Variants in FHIP2B observed in about 807,000 individuals in gnomAD.
The protein encoded by FHIP2B is FHF complex subunit HOOK interacting protein 2B.
In FHIP2B, 72 loss-of-function variants were observed where a neutral mutation model predicts 84.0. The ratio of observed to expected loss-of-function variants is 0.86; its 90% CI spans 0.71 to 1.04. The LOEUF is 1.04. FHIP2B is among the 50% of genes least tolerant of loss of function. The pLI is 0.00. For missense variants in FHIP2B, 972 were observed against 968.9 expected, an observed-to-expected ratio of 1.00 and a Z score of -0.04; for synonymous variants, 497 against 418.7, an observed-to-expected ratio of 1.19 and a Z score of -2.28.
In FHIP2B at chr8:22,104,624, T is replaced by C. The variant is rs181473717; in HGVS notation, c.*1693T>C. On this transcript the variant is annotated 3_prime_UTR_variant, in exon 17 of 17. Coordinates refer to ENST00000289921, the MANE Select transcript of FHIP2B (RefSeq NM_022749.7). Reference sequence around the variant, plus strand: ...CTGGGCTGACCTGCAGCGGAGAGTCTGCCCACCCCGGAGACACCATGAGGG... The same window carrying C: ...CTGGGCTGACCTGCAGCGGAGAGTCCGCCCACCCCGGAGACACCATGAGGG... 3 of 152,310 alleles carry C rather than the reference T, an allele frequency of 2.0e-5. No individual in the cohort carries two copies. The highest frequency in any genetic ancestry group is 4.4e-5 in the Non-Finnish European group (3 of 68,034). The allele number at this position is 152,310 out of a possible 1,614,324, so 9.4% of individuals were successfully genotyped here. A position where few individuals can be genotyped will look rare whatever the true frequency, so the allele number is the denominator to read the frequency against.
chr8:22,101,092 T>G, intron 12 of FHIP2B, 120 bp downstream of exon 12: 1 of 1,316,126 alleles, frequency 7.6e-7, no homozygotes, highest in Non-Finnish European at 1.0e-6. Flanking sequence ...CTCGGCTCAC[T>G]GCAACCTCCA....
intron 1 of FHIP2B, among the ~76,000 whole-genome samples, chr8:22,091,801 T>C (rs1212588100): frequency 6.6e-6 from 1 of 152,170 alleles, no homozygotes; most frequent in East Asian, 1.9e-4. Flanking sequence ...AATTATGAGA[T>C]AATTGTAGGG....
chr8:22,102,312 G>A lies in FHIP2B; in HGVS notation c.1989G>A (p.Val663=). ...PGCRSLFSVL[V]RVIGDLMQRI... ...GCAGGAGCCTATTCTCCGTGTTGGT[G>A]AGGGTGAGGACGCCTCGGCCCAAGG... is the stretch of plus-strand genomic sequence containing the variant. The change falls in exon 15 of 17, where the codon GTG becomes GTA. Residue 663 remains valine (V), a synonymous_variant. Transcript: ENST00000289921. 6.2e-7 allele frequency: 1 copy of A among 1,612,430 alleles called. No individual in the cohort carries two copies. The highest frequency in any genetic ancestry group is 1.1e-5 in the South Asian group (1 of 91,076).
chr8:22,095,042 G>A, intron 2 of FHIP2B: 1 of 282,704 alleles, frequency 3.5e-6, no homozygotes, highest in Non-Finnish European at 5.4e-6. Context: ...TTGGCACCTG[G>A]TCCCATCAGG....
Position 22,098,470 on chromosome 8 carries a change from G to T in FHIP2B, c.816G>T (p.Val272=), listed in dbSNP as rs1210405266. 13 of 1,611,650 alleles carry T rather than the reference G, an allele frequency of 8.1e-6. No homozygotes were observed. The highest frequency in any genetic ancestry group is 1.1e-5 in the Non-Finnish European group (13 of 1,178,658). The change falls in exon 7 of 17, where the codon GTG becomes GTT. Residue 272 remains valine (V), a synonymous_variant. Transcript: ENST00000289921. ...CCCAGGAGAACCTGCTGCTCCTGGT[G>T]AGCATGGCCTCCCCAGCAGCTGCCA... The part of the protein sequence containing the change: ...LKAQENLLLL[V]SMASPAAATY...
In FHIP2B at chr8:22,100,763, G is replaced by A. The variant is rs150840943; in HGVS notation, c.1487+24G>A. 8.8e-5 allele frequency: 141 copies of A among 1,606,942 alleles called. 1 individual carries two copies. The South Asian group carries it at 1.4e-3, about 16-fold the overall frequency. On this transcript the variant is annotated intron_variant, in intron 11 of 16. Coordinates refer to ENST00000289921, the MANE Select transcript of FHIP2B (RefSeq NM_022749.7). The stretch of plus-strand genomic sequence containing the variant: ...CTGTAAGTGAAACCGGCGCCCTTTG[G>A]ACTCAGCCCAGCCCTTAGCACTCGC...
At chr8:22,098,377 TG>T in intron 6 of FHIP2B, 45 bp from the exon 7 acceptor site, 5 of 1,518,470 alleles carry the variant, frequency 3.3e-6, no homozygotes, top group Non-Finnish European at 4.5e-6. Flanking sequence ...GGGGGTGATT[TG>T]GGGGCTCACA....
At chr8:22,089,614 T>C (rs1469247088) in intron 1 of FHIP2B, 22 of 390,328 alleles carry the variant, frequency 5.6e-5, no homozygotes, top group Non-Finnish European at 9.6e-5. Context: ...ACGCTCCCTG[T>C]CACCGCTTGG....
rs1253165304 is a variant in FHIP2B, at chr8:22,097,602, C to G, written c.384C>G (p.Ser128Arg). 3 of 1,608,012 alleles carry G rather than the reference C, an allele frequency of 1.9e-6. No individual in the cohort carries two copies. The highest frequency in any genetic ancestry group is 2.5e-6 in the Non-Finnish European group (3 of 1,177,562). Residue 128 changes from serine (S) to arginine (R), a missense_variant, in exon 4 of 17, where the codon AGC becomes AGG. Ser to Arg is a moderately radical substitution (Grantham distance 110). Transcript: ENST00000289921. ...QVQHPLLHYL[S>R]VHRPVQKLLR... ...AGCACCCCCTGCTGCATTACCTCAG[C>G]GTCCACAGGCCTGTGCAGGTGAGGG...
chr8:22,097,221 T>C (rs1289115051), intron 3 of FHIP2B, among the ~76,000 whole-genome samples: 1 of 151,884 alleles, frequency 6.6e-6, no homozygotes, highest in African/African-American at 2.4e-5. Flanking sequence ...GAACGGGCCC[T>C]CTGAGCCGGA....
rs748220733 is a variant in FHIP2B, at chr8:22,100,943, C to T, written c.1587C>T (p.Gly529=). Reference sequence around the variant, plus strand: ...TAGCTCCTGCTACCAGTTACGATGGCAAAACAGCAGTGACCGAGATCGTCA... The same window carrying T: ...TAGCTCCTGCTACCAGTTACGATGGTAAAACAGCAGTGACCGAGATCGTCA... ...PRLAPATSYD[G]KTAVTEIVNS... is the part of the protein sequence containing the mutation. Residue 529 remains glycine (G), a synonymous_variant, in exon 12 of 17, where the codon GGC becomes GGT. Transcript: ENST00000289921. 5.6e-6 allele frequency: 9 copies of T among 1,613,780 alleles called. No homozygotes were observed. The African/African-American group carries it at 1.2e-4, about 22-fold the overall frequency.
intron 1 of FHIP2B, among the ~76,000 whole-genome samples, chr8:22,091,240 CTTTTTTTTTTTTTTTT>C (rs71204535): frequency 5.9e-5 from 7 of 117,680 alleles, no homozygotes; most frequent in East Asian, 2.5e-4. Flanking sequence ...ATCATTACAG[CTTTTTTTTTTTTTTTT>C]TTTTTTTTTT....
intron 1 of FHIP2B, among the ~76,000 whole-genome samples, chr8:22,092,094 G>C (rs1825521302): frequency 6.6e-6 from 1 of 152,200 alleles, no homozygotes; most frequent in African/African-American, 2.4e-5. Flanking sequence ...TGCTACTTTT[G>C]AGAAGGGTTG....
Position 22,099,109 on chromosome 8 carries a change from C to T in FHIP2B, c.1074+53C>T. 3.3e-6 allele frequency: 5 copies of T among 1,517,914 alleles called. No homozygotes were observed. The South Asian group carries it at 4.8e-5, about 14-fold the overall frequency. 94.0% of individuals were successfully genotyped at this position (1,517,914 alleles called of 1,614,324 possible). A position where few individuals can be genotyped will look rare whatever the true frequency, so the allele number is the denominator to read the frequency against. On this transcript the variant is annotated intron_variant, in intron 8 of 16. Coordinates refer to ENST00000289921, the MANE Select transcript of FHIP2B (RefSeq NM_022749.7). ...TCTCATGCTGTTCCCTGTACCATCT[C>T]CATCTCGAGGACCAAGTGGAGCAGG...
chr8:22,097,887 G>A (rs1362527719), intron 5 of FHIP2B, 48 bp downstream of exon 5: 1 of 1,598,070 alleles, frequency 6.3e-7, no homozygotes, highest in Non-Finnish European at 8.6e-7. Context: ...AGAACCCCAG[G>A]GCAAGCCCCC....
intron 1 of FHIP2B, among the ~76,000 whole-genome samples, chr8:22,093,068 T>C (rs975493425): frequency 5.3e-5 from 8 of 152,128 alleles, no homozygotes; most frequent in African/African-American, 1.7e-4. Context: ...AGTTCTGTGG[T>C]GCAGTAAAGT....
At chr8:22,099,958 T>G in intron 10 of FHIP2B, 65 bp downstream of exon 10, 1 of 1,466,558 alleles carries the variant, frequency 6.8e-7, no homozygotes, top group Non-Finnish European at 9.1e-7. Context: ...TCCTGAACAC[T>G]CTTCCCATTT....
Position 22,101,544 on chromosome 8 carries a change from G to A in FHIP2B, c.1707+14G>A. 1 of 1,606,066 alleles carries A rather than the reference G, an allele frequency of 6.2e-7. No homozygotes were observed. Among genetic ancestry groups the A allele is most frequent in the South Asian group, 1.1e-5 (1 of 90,210 alleles). ...GCTTATGGCCTGGTGAGTGGCTCCT[G>A]CTACCAGCTCCCACTTCCTGTCCTT... On this transcript the variant is annotated intron_variant, in intron 13 of 16. Transcript: ENST00000289921.
chr8:22,098,883 C>A, intron 7 of FHIP2B, 65 bp from the exon 8 acceptor site: 1 of 1,349,380 alleles, frequency 7.4e-7, no homozygotes, highest in Non-Finnish European at 1.0e-6. Flanking sequence ...AGTTTCAGGA[C>A]ACATTGAGGA....
Sources: gnomAD v4.1 joint callset for allele counts (sites outside exome capture counted in the v4.1 genomes callset) on GRCh38, gnomAD v4.1.1 for gene constraint, MANE v1.5 for transcripts, NCBI Gene and HGNC (gene_info 2026-07-23, HGNC 2026-07-21) for gene names.